The following PREP variants were observed in gnomAD, a reference collection of about 807,000 sequenced individuals.
The protein encoded by PREP is prolyl endopeptidase.
Under a neutral mutation model 87.6 loss-of-function variants are expected in PREP, and 29 were observed. That is an observed-to-expected ratio of 0.33 (90% CI 0.25 to 0.45). The LOEUF (loss-of-function observed/expected upper bound fraction) is 0.45, where lower values mean the gene tolerates loss of function less well. Among genes scored for constraint, PREP ranks in the 20% least tolerant of loss-of-function variants. PREP has a pLI of 1.00. For missense variants in PREP, 695 were observed against 886.5 expected, an observed-to-expected ratio of 0.78 and a Z score of 2.74; for synonymous variants, 337 against 328.6, an observed-to-expected ratio of 1.03 and a Z score of -0.28.
At chr6:105,303,112 C>CATGT (rs141833268) in intron 10 of PREP, among the ~76,000 whole-genome samples, 17,147 of 150,698 alleles carry the variant, frequency 0.11, 946 homozygotes, top group African/African-American at 0.16. Context: ...AAATGAAGTC[C>CATGT]ATGTATGTAT....
chr6:105,274,385 C>T lies in PREP; in HGVS notation c.*3759G>A, dbSNP rs1769893705. On this transcript the variant is annotated 3_prime_UTR_variant, in exon 15 of 15. Transcript: ENST00000652536. Reference sequence around the variant, plus strand: ...TCATGACCCATCGCCTCCTGAAGGCCCTGCCTCCTAATTCCATCACTTTGG... The same window carrying T: ...TCATGACCCATCGCCTCCTGAAGGCTCTGCCTCCTAATTCCATCACTTTGG... Among the ~76,000 whole-genome samples, 1 of 152,142 alleles carries T rather than the reference C, an allele frequency of 6.6e-6. No homozygotes were observed. Among genetic ancestry groups the T allele is most frequent in the Admixed American group, 6.5e-5 (1 of 15,276 alleles).
At chr6:105,328,724 C>T (rs1465813493) in intron 9 of PREP, 105 bp downstream of exon 9, 3 of 1,222,758 alleles carry the variant, frequency 2.5e-6, no homozygotes, top group Non-Finnish European at 3.5e-6. Flanking sequence ...TATAATACAG[C>T]ATATGTGATT....
intron 7 of PREP, among the ~76,000 whole-genome samples, chr6:105,340,783 G>C (rs1436851061): frequency 2.0e-5 from 3 of 152,138 alleles, no homozygotes; most frequent in Non-Finnish European, 4.4e-5. Flanking sequence ...AAGATCAAAA[G>C]AGACAAAGAA....
At chr6:105,308,527 G>C (rs1371996510) in intron 10 of PREP, among the ~76,000 whole-genome samples, 2 of 152,000 alleles carry the variant, frequency 1.3e-5, no homozygotes, top group Non-Finnish European at 2.9e-5. Flanking sequence ...ACTCTTAAAG[G>C]CTAGATCACA....
chr6:105,397,142 A>G (rs1440893670), intron 2 of PREP, among the ~76,000 whole-genome samples: 6 of 143,426 alleles, frequency 4.2e-5, no homozygotes, highest in Non-Finnish European at 6.0e-5. Flanking sequence ...CCAAGATCGC[A>G]CCAGTGCCCT....
At chr6:105,345,726 A>G (rs1335125640) in intron 7 of PREP, among the ~76,000 whole-genome samples, 1 of 152,166 alleles carries the variant, frequency 6.6e-6, no homozygotes, top group East Asian at 1.9e-4. Context: ...GTTAGAACAC[A>G]GGCTTGGGAG....
At chr6:105,324,170 G>T (rs1562199859) in intron 9 of PREP, among the ~76,000 whole-genome samples, 1 of 152,162 alleles carries the variant, frequency 6.6e-6, no homozygotes, top group Non-Finnish European at 1.5e-5. Context: ...AGTGCCATTT[G>T]ACCTGGGAGG....
At chr6:105,303,876 A>G (rs1190055) in intron 10 of PREP, among the ~76,000 whole-genome samples, 14,014 of 152,262 alleles carry the variant, frequency 0.092, 742 homozygotes, top group African/African-American at 0.13. Flanking sequence ...GTTAGTTTCT[A>G]TATTTTTCAC....
intron 10 of PREP, among the ~76,000 whole-genome samples, chr6:105,311,016 C>G (rs1287773218): frequency 6.6e-6 from 1 of 152,160 alleles, no homozygotes; most frequent in Admixed American, 6.5e-5. Flanking sequence ...TTTTTCTCAG[C>G]CTTCCAACAT....
intron 2 of PREP, among the ~76,000 whole-genome samples, chr6:105,387,571 C>G (rs886502453): frequency 3.2e-5 from 4 of 124,298 alleles, no homozygotes; most frequent in Admixed American, 9.1e-5. Flanking sequence ...ACAGGCCACA[C>G]ATAAAATACA....
intron 6 of PREP, among the ~76,000 whole-genome samples, chr6:105,357,898 C>T (rs1273219613): frequency 1.3e-5 from 2 of 150,344 alleles, no homozygotes; most frequent in African/African-American, 4.9e-5. Flanking sequence ...GTTTGAATTC[C>T]GGTTCAACAA....
intron 10 of PREP, among the ~76,000 whole-genome samples, chr6:105,308,069 G>A (rs918647173): frequency 1.3e-5 from 2 of 151,992 alleles, no homozygotes; most frequent in African/African-American, 4.8e-5. Flanking sequence ...GACTAATGCA[G>A]CATTCAAGAC....
chr6:105,315,347 A>G (rs2114638096), intron 10 of PREP, among the ~76,000 whole-genome samples: 1 of 152,222 alleles, frequency 6.6e-6, no homozygotes, highest in Non-Finnish European at 1.5e-5. Flanking sequence ...AATTTTTTGT[A>G]GATAAATTTT....
chr6:105,314,390 C>G (rs1257630958), intron 10 of PREP, among the ~76,000 whole-genome samples: 1 of 152,340 alleles, frequency 6.6e-6, no homozygotes, highest in East Asian at 1.9e-4. Flanking sequence ...ATTTTGCTCA[C>G]AGTAGAATTT....
rs959331269 is a variant in PREP at position 105,276,957 on chromosome 6, T to G, written c.*1187A>C. 1.3e-5 allele frequency among the ~76,000 whole-genome samples: 2 copies of G among 151,740 alleles called. No homozygotes were observed. Among genetic ancestry groups the G allele is most frequent in the Non-Finnish European group, 2.9e-5 (2 of 68,010 alleles). On this transcript the variant is annotated 3_prime_UTR_variant, in exon 15 of 15. Coordinates refer to ENST00000652536, the MANE Select transcript of PREP (RefSeq NM_002726.5). Reference sequence around the variant, plus strand: ...TTTTATATAAGGTTAAGATACTATATAAAATAATAATTTTTATCATATCAT... The same window carrying G: ...TTTTATATAAGGTTAAGATACTATAGAAAATAATAATTTTTATCATATCAT...
intron 6 of PREP, among the ~76,000 whole-genome samples, chr6:105,366,885 C>T (rs1772399887): frequency 6.6e-6 from 1 of 151,978 alleles, no homozygotes; most frequent in Non-Finnish European, 1.5e-5. Context: ...CAGTCAAATA[C>T]AAAGGGACAG....
chr6:105,363,622 C>T (rs1391138999), intron 6 of PREP, among the ~76,000 whole-genome samples: 2 of 152,148 alleles, frequency 1.3e-5, no homozygotes, highest in Non-Finnish European at 2.9e-5. Context: ...TCCCGAGGTC[C>T]CTGGCTGAAA....
At chr6:105,366,258 AAAAT>A (rs530770291) in intron 6 of PREP, among the ~76,000 whole-genome samples, 32 of 152,276 alleles carry the variant, frequency 2.1e-4, no homozygotes, top group African/African-American at 7.5e-4. Context: ...CTCCATCTCA[AAAAT>A]AAATAAATAA....
intron 10 of PREP, among the ~76,000 whole-genome samples, chr6:105,314,577 CCATT>C (rs1378680960): frequency 2.6e-5 from 4 of 152,202 alleles, no homozygotes; most frequent in African/African-American, 9.6e-5. Flanking sequence ...AACTCCTCAT[CCATT>C]CAAATTTGGT....
Sources: allele counts gnomAD v4.1 joint callset (sites outside exome capture counted in the v4.1 genomes callset), GRCh38; gene constraint gnomAD v4.1.1; transcripts MANE v1.5; gene names NCBI Gene and HGNC (gene_info 2026-07-23, HGNC 2026-07-21).